The following CUL7 variants were observed in gnomAD, a reference collection of about 807,000 sequenced individuals.
CUL7 encodes cullin 7.
In CUL7, 96 loss-of-function variants were observed where a neutral mutation model predicts 177.7. The observed-to-expected ratio is 0.54, with a 90% CI of 0.46 to 0.64. The LOEUF is 0.64. Among genes scored for constraint, CUL7 ranks in the 30% least tolerant of loss-of-function variants. The pLI, the probability that CUL7 is intolerant of heterozygous loss-of-function variation, is 0.00. For missense variants in CUL7, 1,893 were observed against 2,187.9 expected (o/e 0.87, Z 2.69); for synonymous variants, 824 against 890.2 (o/e 0.93, Z 1.32).
rs1764279176 is a variant in CUL7 at position 43,050,234 on chromosome 6, G to C, written c.1372+26C>G. The C allele has an allele frequency of 6.2e-7, 1 of 1,614,016 alleles. No individual in the cohort carries two copies. The highest frequency in any genetic ancestry group is 1.3e-5 in the African/African-American group (1 of 74,918). On this transcript the variant is annotated intron_variant, in intron 5 of 25. Coordinates refer to ENST00000265348, the MANE Select transcript of CUL7 (RefSeq NM_014780.5). This position sits in a 1 kb window ranked among gnomAD's most constrained non-coding sequence, Gnocchi z 4.1. The stretch of plus-strand genomic sequence containing the variant: ...GACCACCATTCCTCTGCTCAGAGCT[G>C]ACCCTTGCTTCCTCCCTGAGCTCAC...
At position 43,040,735 on chromosome 6, in the gene CUL7, G is replaced by A. The variant is rs927321000; in HGVS notation, c.3818C>T (p.Ala1273Val). ...TFEHYYQHYM[A>V]DRLLGVVSSW... ...CGAGACCACGCCCAGGAGACGGTCCGCCATGTAGTGCCTGCAGTGCATGCA... is the reference window on the plus strand; with the variant it reads ...CGAGACCACGCCCAGGAGACGGTCCACCATGTAGTGCCTGCAGTGCATGCA... Residue 1273 changes from alanine (A) to valine (V), a missense_variant, in exon 21 of 26, where the codon GCG becomes GTG. By Grantham distance (64) the Ala-to-Val change is moderately conservative. Transcript: ENST00000265348. The surrounding 1 kb of genome is among the most constrained non-coding windows in gnomAD (Gnocchi z 4.2). The A allele has an allele frequency of 1.2e-6, 2 of 1,614,080 alleles. No homozygotes were observed. The highest frequency in any genetic ancestry group is 8.5e-7 in the Non-Finnish European group (1 of 1,180,014).
chr6:43,040,341 C>T lies in CUL7; in HGVS notation c.4109G>A (p.Gly1370Glu), dbSNP rs139927000. The T allele has an allele frequency of 2.5e-6, 4 of 1,613,812 alleles. No individual in the cohort carries two copies. Among genetic ancestry groups the T allele is most frequent in the Non-Finnish European group, 2.5e-6 (3 of 1,179,956 alleles). ...GAAAVVDVAE[G>E]EEEEEENEDL... ...CTCATTCTCCTCCTCTTCCTCCTCT[C>T]CCTCCGCCACATCCACCACTGCTGC... is the stretch of plus-strand genomic sequence containing the variant. The change falls in exon 22 of 26, where the codon GGA (glycine) becomes GAA (glutamate). Residue 1370 changes from glycine to glutamate, a missense_variant. Gly to Glu is a moderately conservative substitution (Grantham distance 98, BLOSUM62 -2). Around this residue, in one of 5 missense-constraint regions of CUL7, gnomAD observed 973 missense variants for 1,140.9 expected, o/e 0.85. Coordinates refer to ENST00000265348, the MANE Select transcript of CUL7 (RefSeq NM_014780.5). This position sits in a 1 kb window ranked among gnomAD's most constrained non-coding sequence, Gnocchi z 4.2.
At position 43,052,199 on chromosome 6, in the gene CUL7, T is replaced by C; in HGVS notation, c.580+10A>G. On this transcript the variant is annotated intron_variant, in intron 2 of 25. Transcript: ENST00000265348. This position sits in a 1 kb window ranked among gnomAD's most constrained non-coding sequence, Gnocchi z 4.5. ...TCCTGCTTTCCCTTCCTCCCCACAC[T>C]GCCCCTCACCAGCGTCATGGGAGGA... 6.2e-7 allele frequency: 1 copy of C among 1,614,128 alleles called. No individual in the cohort carries two copies. The highest frequency in any genetic ancestry group is 8.5e-7 in the Non-Finnish European group (1 of 1,180,016).
rs375714886 is a variant in CUL7 at position 43,040,390 on chromosome 6, C to T, written c.4060G>A (p.Glu1354Lys). Reference protein sequence around the residue: ...LGASGKEHKSEKEEEAGAAAV... With the variant: ...LGASGKEHKSKKEEEAGAAAV... ...GCTGCCCCAGCTTCCTCTTCCTTCT[C>T]GCTCTTGTGCTCCTTGCCACTGGCC... Residue 1354 changes from glutamate (E) to lysine (K), a missense_variant, in exon 22 of 26, where the codon GAG (glutamate) becomes AAG (lysine). Transcript: ENST00000265348. The surrounding 1 kb of genome is among the most constrained non-coding windows in gnomAD (Gnocchi z 4.2). 2.9e-5 allele frequency: 46 copies of T among 1,613,072 alleles called. No homozygotes were observed. In the African/African-American group the frequency reaches 3.7e-4, roughly 13 times the overall value.
At chr6:43,038,754 G>C (rs1763165311) in intron 23 of CUL7, 62 bp from the exon 24 acceptor site, 4 of 1,612,464 alleles carry the variant, frequency 2.5e-6, no homozygotes, top group Non-Finnish European at 3.4e-6. Context: ...AGAGGATGGA[G>C]GGAAGAAGCA....
intron 7 of CUL7, 100 bp downstream of exon 7, chr6:43,049,307 C>G: frequency 6.7e-7 from 1 of 1,499,464 alleles, no homozygotes; most frequent in Non-Finnish European, 9.2e-7. Flanking sequence ...TCTAAGGTGG[C>G]ATCACTTCCA....
chr6:43,045,014 C>G lies in CUL7; in HGVS notation c.3039-129G>C. Reference sequence around the variant, plus strand: ...AAGGCCCCCTGGTACTTCAGAACTGCTCTGTGCTAACTGGTATATCCCATT... The same window carrying G: ...AAGGCCCCCTGGTACTTCAGAACTGGTCTGTGCTAACTGGTATATCCCATT... On this transcript the variant is annotated intron_variant, in intron 15 of 25. Coordinates refer to ENST00000265348, the MANE Select transcript of CUL7 (RefSeq NM_014780.5). This position sits in a 1 kb window ranked among gnomAD's most constrained non-coding sequence, Gnocchi z 4.8. 2.1e-6 allele frequency: 3 copies of G among 1,429,960 alleles called. No homozygotes were observed. The highest frequency in any genetic ancestry group is 2.9e-6 in the Non-Finnish European group (3 of 1,045,532). 88.6% of individuals were successfully genotyped at this position (1,429,960 alleles called of 1,614,324 possible).
chr6:43,047,807 C>T, intron 9 of CUL7: 2 of 307,546 alleles, frequency 6.5e-6, no homozygotes, highest in Admixed American at 4.6e-5. Flanking sequence ...GGCAAGATCA[C>T]ACATTTGGGT....
chr6:43,043,648 C>T lies in CUL7; in HGVS notation c.3173-18G>A, dbSNP rs1257366484. 6.5e-7 allele frequency: 1 copy of T among 1,549,088 alleles called. No individual in the cohort carries two copies. The highest frequency in any genetic ancestry group is 1.2e-5 in the South Asian group (1 of 86,720). On this transcript the variant is annotated intron_variant, in intron 16 of 25. Coordinates refer to ENST00000265348, the MANE Select transcript of CUL7 (RefSeq NM_014780.5). This position sits in a 1 kb window ranked among gnomAD's most constrained non-coding sequence, Gnocchi z 4.2. ...ATCCTCATCTAGAGGGTGAGATAAACAAACCAAGGCACAGCCATGTCTGCA... is the reference window on the plus strand; with the variant it reads ...ATCCTCATCTAGAGGGTGAGATAAATAAACCAAGGCACAGCCATGTCTGCA...
In CUL7 at chr6:43,043,579, C is replaced by T; in HGVS notation, c.3224G>A (p.Cys1075Tyr). 1 of 1,613,550 alleles carries T rather than the reference C, an allele frequency of 6.2e-7. No homozygotes were observed. The highest frequency in any genetic ancestry group is 8.5e-7 in the Non-Finnish European group (1 of 1,179,752). The change falls in exon 17 of 26, where the codon TGT becomes TAT. Residue 1075 changes from cysteine to tyrosine, a missense_variant. By Grantham distance (194) the Cys-to-Tyr change is radical. Around this residue, in one of 5 missense-constraint regions of CUL7, gnomAD observed 973 missense variants for 1,140.9 expected, o/e 0.85. Coordinates refer to ENST00000265348, the MANE Select transcript of CUL7 (RefSeq NM_014780.5). The surrounding 1 kb of genome is among the most constrained non-coding windows in gnomAD (Gnocchi z 4.2). ...LGWLLDQYLE[C>Y]QEAVFNPQSR... ...CTGGGGGTTGAAGACAGCTTCCTGACACTCCAGGTACTGGTCCAGCAGCCA... is the reference window on the plus strand; with the variant it reads ...CTGGGGGTTGAAGACAGCTTCCTGATACTCCAGGTACTGGTCCAGCAGCCA...
rs774156355 is a variant in CUL7, at chr6:43,040,308, T to C, written c.4142A>G (p.Tyr1381Cys). 13 of 1,613,924 alleles carry C rather than the reference T, an allele frequency of 8.1e-6. No homozygotes were observed. Among genetic ancestry groups the C allele is most frequent in the East Asian group, 6.7e-5 (3 of 44,872 alleles). ...CACTTCTGGCATTGCCCCTTCATAG[T>C]AGAGGTCCTCATTCTCCTCCTCTTC... ...EEEEEENEDL[Y>C]YEGAMPEVSV... Residue 1381 changes from tyrosine (Y) to cysteine (C), a missense_variant, in exon 22 of 26, where the codon TAC (tyrosine) becomes TGC (cysteine). By Grantham distance (194) the Tyr-to-Cys change is radical. Transcript: ENST00000265348. This position sits in a 1 kb window ranked among gnomAD's most constrained non-coding sequence, Gnocchi z 4.2.
At position 43,050,352 on chromosome 6, in the gene CUL7, A is replaced by T; in HGVS notation, c.1280T>A (p.Met427Lys). ...TTCCTCAAAGCCCAAGATCTCCAGC[A>T]TGTGCCAGTGCACCCAATAGGTGCG... ...TGRTYWVHWH[M>K]LEILGFEEDI... is the part of the protein sequence containing the mutation. The change falls in exon 5 of 26, where the codon ATG becomes AAG. Residue 427 changes from methionine to lysine, a missense_variant. Physicochemically the swap from Met to Lys is moderately conservative, Grantham distance 95 (BLOSUM62 -1). This residue lies in a region of CUL7 where 653 missense variants were observed against 725.2 expected (regional missense o/e 0.90). Transcript: ENST00000265348. The surrounding 1 kb of genome is among the most constrained non-coding windows in gnomAD (Gnocchi z 4.1). 2 of 1,614,158 alleles carry T rather than the reference A, an allele frequency of 1.2e-6. No homozygotes were observed. Among genetic ancestry groups the T allele is most frequent in the South Asian group, 1.1e-5 (1 of 91,086 alleles).
intron 25 of CUL7, 120 bp from the exon 26 acceptor site, chr6:43,038,131 C>T (rs1763106615): frequency 1.3e-6 from 2 of 1,487,192 alleles, no homozygotes; most frequent in Non-Finnish European, 1.8e-6. Flanking sequence ...GAGGTACATC[C>T]CGACCTCACT....
At position 43,046,247 on chromosome 6, in the gene CUL7, G is replaced by A. The variant is rs1581934922; in HGVS notation, c.2649C>T (p.Gly883=). The part of the protein sequence containing the change: ...SHYITLHMRR[G]ILIRQLTLLV... ...TGTGGGAGAGTTACCTGATGAGGATGCCCCGGCGCATGTGCAGGGTGATGT... is the reference window on the plus strand; with the variant it reads ...TGTGGGAGAGTTACCTGATGAGGATACCCCGGCGCATGTGCAGGGTGATGT... The change falls in exon 12 of 26, where the codon GGC becomes GGT. Residue 883 remains glycine, a synonymous_variant. Transcript: ENST00000265348. 6 of 1,614,244 alleles carry A rather than the reference G, an allele frequency of 3.7e-6. No homozygotes were observed. The highest frequency in any genetic ancestry group is 5.1e-6 in the Non-Finnish European group (6 of 1,180,048).
chr6:43,047,180 A>G (rs1763995944), intron 9 of CUL7, 73 bp from the exon 10 acceptor site: 1 of 843,428 alleles, frequency 1.2e-6, no homozygotes, highest in African/African-American at 1.7e-5. Context: ...AGTAGCAGGT[A>G]CCCACTGTGT....
In CUL7 at chr6:43,046,326, G is replaced by A. The variant is rs750950788; in HGVS notation, c.2570C>T (p.Thr857Met). Reference protein sequence around the residue: ...SSNPHRASKLTDHNPKTYWES... With the variant: ...SSNPHRASKLMDHNPKTYWES... The stretch of plus-strand genomic sequence containing the variant: ...CCAATAGGTCTTGGGGTTGTGGTCC[G>A]TCAGCTTGCTGGCCCGGTGCGGGTT... The change falls in exon 12 of 26, where the codon ACG becomes ATG. Residue 857 changes from threonine (T) to methionine (M), a missense_variant. This residue lies in a region of CUL7 where 973 missense variants were observed against 1,140.9 expected (regional missense o/e 0.85). Transcript: ENST00000265348. The A allele has an allele frequency of 6.3e-5, 102 of 1,614,096 alleles. No individual in the cohort carries two copies. Among genetic ancestry groups the A allele is most frequent in the Non-Finnish European group, 8.1e-5 (95 of 1,180,062 alleles).
Position 43,038,496 on chromosome 6 carries a change from C to T in CUL7, c.4568-24G>A, listed in dbSNP as rs765685121. On this transcript the variant is annotated intron_variant, in intron 24 of 25. Transcript: ENST00000265348. ...CCCTGAAATAAATGCTGATCACTCA[C>T]TCAGTGGAGAGCCCACGAGGAGCCT... 62 of 1,613,858 alleles carry T rather than the reference C, an allele frequency of 3.8e-5. 1 individual carries two copies. In the South Asian group the frequency reaches 3.8e-4, roughly 10 times the overall value.
rs1764216732 is a variant in CUL7, at chr6:43,049,430, G to A, written c.1802C>T (p.Ser601Leu). The change falls in exon 7 of 26, where the codon TCA (serine) becomes TTA (leucine). Residue 601 changes from serine to leucine, a missense_variant. Coordinates refer to ENST00000265348, the MANE Select transcript of CUL7 (RefSeq NM_014780.5). The stretch of plus-strand genomic sequence containing the variant: ...ACCTTCCACTTTGGCTGCATCTTCT[G>A]AGTCCTTAGCCTGGGCCTGCGCGTC... The part of the protein sequence containing the change: ...LLDAQAQAKD[S>L]EDAAKVEAKE... The A allele has an allele frequency of 1.9e-6, 3 of 1,614,112 alleles. No individual in the cohort carries two copies. Among genetic ancestry groups the A allele is most frequent in the South Asian group, 2.2e-5 (2 of 91,088 alleles).
rs1381016971 is a variant in CUL7 at position 43,038,640 on chromosome 6, A to AGCAT, written c.4489_4492dup (p.Leu1498HisfsTer57). The stretch of plus-strand genomic sequence containing the variant: ...GGTGAGGGGCCCAATCGCCTGATTG[A>AGCAT]GCATGTCTGCGGAGAGCCCTGAGAA... On this transcript the variant is annotated frameshift_variant, in exon 24 of 26. Transcript: ENST00000265348. LOFTEE classifies it high-confidence loss of function. 6.2e-7 allele frequency: 1 copy of AGCAT among 1,613,324 alleles called. No individual in the cohort carries two copies. The highest frequency in any genetic ancestry group is 1.1e-5 in the South Asian group (1 of 91,064).
Sources: allele counts gnomAD v4.1 joint callset, GRCh38; gene constraint gnomAD v4.1.1; regional missense constraint gnomAD v4.1.1; non-coding constraint Gnocchi (gnomAD v3.1); transcripts MANE v1.5; gene names NCBI Gene and HGNC (gene_info 2026-07-23, HGNC 2026-07-21).